Variants in BCKDHB observed in about 807,000 individuals in gnomAD.
BCKDHB encodes 2-oxoisovalerate dehydrogenase subunit beta, mitochondrial.
A neutral mutation model predicts 48.5 loss-of-function variants in BCKDHB; 41 were observed. The observed-to-expected ratio is 0.85, with a 90% CI of 0.66 to 1.10. The LOEUF (loss-of-function observed/expected upper bound fraction) is 1.10, where lower values mean the gene tolerates loss of function less well. Ranked by LOEUF, BCKDHB falls within the 50% of genes least tolerant of loss-of-function variation. The pLI, the probability that BCKDHB is intolerant of heterozygous loss-of-function variation, is 0.00. For missense variants in BCKDHB, 496 were observed against 494.2 expected (o/e 1.00, Z -0.03); for synonymous variants, 201 against 174.8 (o/e 1.15, Z -1.18).
the BCKDHB span, among the ~76,000 whole-genome samples, chr6:80,442,958 G>A: frequency 1.3e-5 from 2 of 152,182 alleles, no homozygotes; most frequent in African/African-American, 4.8e-5. Context: ...CAACTCCACA[G>A]TAAAGGCATT....
At chr6:80,257,585 C>T (rs538996243) in intron 8 of BCKDHB, among the ~76,000 whole-genome samples, 5 of 151,788 alleles carry the variant, frequency 3.3e-5, no homozygotes, top group Admixed American at 6.6e-5. Flanking sequence ...TTAAGGGGTT[C>T]GTTTTATGTG....
At chr6:80,118,776 CTT>C (rs35769953) in intron 1 of BCKDHB, among the ~76,000 whole-genome samples, 1 of 150,502 alleles carries the variant, frequency 6.6e-6, no homozygotes, top group South Asian at 2.1e-4. Context: ...CAAGGATCCA[CTT>C]TTTTTTTTGA....
intron 9 of BCKDHB, among the ~76,000 whole-genome samples, chr6:80,341,446 G>A (rs1474075989): frequency 1.3e-5 from 2 of 152,104 alleles, no homozygotes; most frequent in South Asian, 2.1e-4. Context: ...AGCCTCAAAG[G>A]GTAACCACTG....
At chr6:80,328,235 T>C (rs1769140492) in intron 9 of BCKDHB, among the ~76,000 whole-genome samples, 1 of 152,192 alleles carries the variant, frequency 6.6e-6, no homozygotes, top group Non-Finnish European at 1.5e-5. Context: ...TGCTACGATA[T>C]ATTCTATTAA....
At chr6:80,445,442 T>C in the BCKDHB span, among the ~76,000 whole-genome samples, 4,122 of 152,246 alleles carry the variant, frequency 0.027, 171 homozygotes, top group African/African-American at 0.08. Flanking sequence ...GTAAGACTGT[T>C]GGTGAGTGCT....
At chr6:80,410,685 A>T in the BCKDHB span, among the ~76,000 whole-genome samples, 2 of 151,986 alleles carry the variant, frequency 1.3e-5, no homozygotes, top group African/African-American at 4.8e-5. Context: ...ACTTTATTTC[A>T]TTAATTTGAT....
intron 8 of BCKDHB, among the ~76,000 whole-genome samples, chr6:80,247,506 A>T (rs1226716577): frequency 6.6e-6 from 1 of 152,242 alleles, no homozygotes; most frequent in Non-Finnish European, 1.5e-5. Flanking sequence ...GTGAGCTAAC[A>T]TTAGATGTAG....
At chr6:80,149,089 T>C (rs1771629480) in intron 3 of BCKDHB, among the ~76,000 whole-genome samples, 1 of 152,044 alleles carries the variant, frequency 6.6e-6, no homozygotes, top group South Asian at 2.1e-4. Context: ...AGGGCTAATA[T>C]CCAGAATCTA....
At chr6:80,118,266 T>C (rs1769814762) in intron 1 of BCKDHB, among the ~76,000 whole-genome samples, 1 of 152,182 alleles carries the variant, frequency 6.6e-6, no homozygotes, top group Non-Finnish European at 1.5e-5. Context: ...GTCACACAAA[T>C]GTATTGGTTT....
chr6:80,340,771 T>TC (rs543851880), intron 9 of BCKDHB, among the ~76,000 whole-genome samples: 3,648 of 149,492 alleles, frequency 0.024, 55 homozygotes, highest in Non-Finnish European at 0.034. Context: ...GGTATTTTTT[T>TC]TCTGTGTGTG....
At chr6:80,396,290 G>T in the BCKDHB span, among the ~76,000 whole-genome samples, 2 of 152,166 alleles carry the variant, frequency 1.3e-5, no homozygotes, top group Non-Finnish European at 2.9e-5. Flanking sequence ...AAGCCACAGG[G>T]CTGGCCACTT....
At chr6:80,151,419 CT>C (rs529086862) in intron 3 of BCKDHB, among the ~76,000 whole-genome samples, 11,106 of 142,208 alleles carry the variant, frequency 0.078, 472 homozygotes, top group South Asian at 0.11. Context: ...TTAAAACTAA[CT>C]TTTTTTTTTT....
rs398124567 is a variant in BCKDHB, at chr6:80,106,851, A to G, written c.158A>G (p.His53Arg). 4 of 1,609,904 alleles carry G rather than the reference A, an allele frequency of 2.5e-6. No homozygotes were observed. The highest frequency in any genetic ancestry group is 2.7e-5 in the African/African-American group (2 of 74,814). ...GCGGCCCAGAGGCGGCAGGTGGCTC[A>G]TTTTACTTTCCAGCCAGATCCGGAG... ...EDAAQRRQVA[H>R]FTFQPDPEPR... Residue 53 changes from histidine (H) to arginine (R), a missense_variant, in exon 1 of 10, where the codon CAT becomes CGT. By Grantham distance (29) the His-to-Arg change is conservative. Coordinates refer to ENST00000320393, the MANE Select transcript of BCKDHB (RefSeq NM_183050.4).
chr6:80,399,953 G>A, the BCKDHB span, among the ~76,000 whole-genome samples: 1 of 151,974 alleles, frequency 6.6e-6, no homozygotes, highest in East Asian at 1.9e-4. Context: ...TTTGATCCTT[G>A]GCAAGCCTGA....
At chr6:80,291,740 CAAAA>C (rs1766927172) in intron 9 of BCKDHB, among the ~76,000 whole-genome samples, 1 of 152,092 alleles carries the variant, frequency 6.6e-6, no homozygotes, top group Non-Finnish European at 1.5e-5. Context: ...GGAAAAACCT[CAAAA>C]ATAACTGATG....
intron 6 of BCKDHB, among the ~76,000 whole-genome samples, chr6:80,191,211 C>G (rs1003736988): frequency 1.2e-4 from 18 of 152,146 alleles, no homozygotes; most frequent in African/African-American, 4.3e-4. Flanking sequence ...CAACAGTTGT[C>G]ATTTAATGTT....
the BCKDHB span, among the ~76,000 whole-genome samples, chr6:80,412,974 C>A: frequency 6.6e-6 from 1 of 152,122 alleles, no homozygotes; most frequent in East Asian, 1.9e-4. Context: ...TATAATGTGA[C>A]TCAGTGAAGA....
In BCKDHB at chr6:80,344,069, C is replaced by T. The variant is rs1357095958; in HGVS notation, c.*265C>T. 9 of 452,574 alleles carry T rather than the reference C, an allele frequency of 2.0e-5. No homozygotes were observed. The highest frequency in any genetic ancestry group is 3.2e-5 in the Non-Finnish European group (8 of 246,254). 28.0% of individuals were successfully genotyped at this position (452,574 alleles called of 1,614,324 possible). Reference sequence around the variant, plus strand: ...AGGCTAGACTGCAGTGGTGCAATCTCAGCTCACTGCAACCTCCCCCCTACC... The same window carrying T: ...AGGCTAGACTGCAGTGGTGCAATCTTAGCTCACTGCAACCTCCCCCCTACC... On this transcript the variant is annotated 3_prime_UTR_variant, in exon 10 of 10. Coordinates refer to ENST00000320393, the MANE Select transcript of BCKDHB (RefSeq NM_183050.4).
the BCKDHB span, among the ~76,000 whole-genome samples, chr6:80,366,829 G>A: frequency 6.6e-6 from 1 of 152,116 alleles, no homozygotes; most frequent in Non-Finnish European, 1.5e-5. Flanking sequence ...TCTCTCAAAG[G>A]TTATCAGAAA....
Sources: allele counts gnomAD v4.1 joint callset (sites outside exome capture counted in the v4.1 genomes callset), GRCh38; gene constraint gnomAD v4.1.1; transcripts MANE v1.5; gene names NCBI Gene and HGNC (gene_info 2026-07-23, HGNC 2026-07-21).